PDE4D: variants seen among roughly 807,000 people sequenced by gnomAD.
The protein encoded by PDE4D is phosphodiesterase 4D.
Under a neutral mutation model 87.4 loss-of-function variants are expected in PDE4D, and 24 were observed. The observed-to-expected ratio is 0.27, with a 90% CI of 0.20 to 0.39. The LOEUF (loss-of-function observed/expected upper bound fraction) is 0.39, where lower values mean the gene tolerates loss of function less well. PDE4D is among the 10% of genes least tolerant of loss of function. The pLI, the probability that PDE4D is intolerant of heterozygous loss-of-function variation, is 1.00. For missense variants in PDE4D, 714 were observed against 1,041.0 expected (o/e 0.69, Z 4.32); for synonymous variants, 384 against 383.2 (o/e 1.00, Z -0.02).
At chr5:60,060,709 T>C (rs1771300954) in intron 2 of PDE4D, among the ~76,000 whole-genome samples, 1 of 152,046 alleles carries the variant, frequency 6.6e-6, no homozygotes, top group South Asian at 2.1e-4. Flanking sequence ...TGTTTTTTGT[T>C]TTTTCATTTT....
At chr5:60,097,288 T>TGTGTGTGTGTGTGTG (rs1562088754) in intron 2 of PDE4D, among the ~76,000 whole-genome samples, 2 of 151,560 alleles carry the variant, frequency 1.3e-5, no homozygotes, top group African/African-American at 4.8e-5. Context: ...TGTGTGTGTG[T>TGTGTGTGTGTGTGTG]TTAACAAATA....
chr5:59,355,371 C>T (rs1332626648), intron 1 of PDE4D, among the ~76,000 whole-genome samples: 1 of 152,132 alleles, frequency 6.6e-6, no homozygotes, highest in Non-Finnish European at 1.5e-5. Flanking sequence ...TTACTTTATT[C>T]AGCAGCTGGA....
At chr5:59,758,997 G>A (rs2150766262) in intron 1 of PDE4D, among the ~76,000 whole-genome samples, 1 of 152,204 alleles carries the variant, frequency 6.6e-6, no homozygotes, top group Non-Finnish European at 1.5e-5. Flanking sequence ...CTGGAAATAT[G>A]TGATTTCAAT....
intron 3 of PDE4D, among the ~76,000 whole-genome samples, chr5:59,979,436 G>A (rs1023785342): frequency 6.6e-6 from 1 of 151,750 alleles, no homozygotes; most frequent in African/African-American, 2.4e-5. Flanking sequence ...GTGTGTGTGT[G>A]TGTGTGTTTA....
intron 1 of PDE4D, among the ~76,000 whole-genome samples, chr5:59,380,944 C>T (rs1562068937): frequency 6.6e-6 from 1 of 152,116 alleles, no homozygotes; most frequent in Non-Finnish European, 1.5e-5. Context: ...CTACAGATAA[C>T]TGCATTTGCT....
chr5:59,944,310 G>T (rs777847584), intron 3 of PDE4D, among the ~76,000 whole-genome samples: 1 of 151,378 alleles, frequency 6.6e-6, no homozygotes, highest in African/African-American at 2.4e-5. Context: ...TTTTGCATTA[G>T]GATTGTATCT....
chr5:60,477,789 A>G (rs2150209228), intron 1 of PDE4D, among the ~76,000 whole-genome samples: 1 of 152,316 alleles, frequency 6.6e-6, no homozygotes, highest in Middle Eastern at 3.4e-3. Flanking sequence ...CCACTGTGAA[A>G]ACATCCCTGA....
intron 5 of PDE4D, among the ~76,000 whole-genome samples, chr5:59,070,675 CTT>C (rs1764637792): frequency 1.3e-5 from 2 of 151,670 alleles, no homozygotes; most frequent in Admixed American, 1.3e-4. Flanking sequence ...ACCTTTTTTT[CTT>C]TGTTTTCCTT....
intron 2 of PDE4D, among the ~76,000 whole-genome samples, chr5:60,091,601 A>C (rs1017783907): frequency 7.2e-5 from 11 of 152,300 alleles, no homozygotes; most frequent in Admixed American, 2.6e-4. Flanking sequence ...TTAAAAATAG[A>C]TCTACAGATG....
intron 1 of PDE4D, among the ~76,000 whole-genome samples, chr5:60,408,606 C>T (rs891216004): frequency 1.3e-5 from 2 of 152,134 alleles, no homozygotes; most frequent in African/African-American, 4.8e-5. Flanking sequence ...TTCCCTCACC[C>T]ACTCCCCACT....
At position 59,819,288 on chromosome 5, in the gene PDE4D, G is replaced by A. The variant is rs190257147; in HGVS notation, c.455+73880C>T. Among the ~76,000 whole-genome samples, 152 of 152,250 alleles carry A rather than the reference G, an allele frequency of 1.0e-3. 1 individual carries two copies. The highest frequency in any genetic ancestry group is 3.5e-3 in the African/African-American group (146 of 41,552). Reference sequence around the variant, plus strand: ...TTTTGAGTATTCTCGCCTTCTCAACGCCTGGTAAAACTGAGTTCATAAATG... The same window carrying A: ...TTTTGAGTATTCTCGCCTTCTCAACACCTGGTAAAACTGAGTTCATAAATG... On this transcript the variant is annotated intron_variant, in intron 1 of 14. Coordinates refer to ENST00000340635, the MANE Select transcript of PDE4D (RefSeq NM_001104631.2).
chr5:60,010,001 A>G (rs1349738122), intron 2 of PDE4D, among the ~76,000 whole-genome samples: 2 of 152,076 alleles, frequency 1.3e-5, no homozygotes, highest in African/African-American at 2.4e-5. Flanking sequence ...TTTAAACAAA[A>G]GTCTATAGAA....
intron 1 of PDE4D, among the ~76,000 whole-genome samples, chr5:59,791,880 T>C (rs1765831794): frequency 6.6e-6 from 1 of 152,208 alleles, no homozygotes; most frequent in Admixed American, 6.5e-5. Flanking sequence ...TCACAGATTA[T>C]ATCCAGCTCC....
At chr5:60,297,654 A>G (rs1022852531) in intron 1 of PDE4D, among the ~76,000 whole-genome samples, 1 of 152,202 alleles carries the variant, frequency 6.6e-6, no homozygotes, top group African/African-American at 2.4e-5. Flanking sequence ...AATTACTGAA[A>G]TACACTTTAT....
rs1742373821 is a variant in PDE4D, at chr5:58,970,203, C to T, written c.*4461G>A. 6.6e-6 allele frequency: 1 copy of T among 152,070 alleles called. No homozygotes were observed. Among genetic ancestry groups the T allele is most frequent in the Non-Finnish European group, 1.5e-5 (1 of 68,016 alleles). The allele number at this position is 152,070 out of a possible 1,614,324, so 9.4% of individuals were successfully genotyped here. ...ACTAAAAGAATAATCATTTGTAATT[C>T]TCACACACAATTTACCACTCTGAAA... is the stretch of plus-strand genomic sequence containing the variant. On this transcript the variant is annotated 3_prime_UTR_variant, in exon 15 of 15. Coordinates refer to ENST00000340635, the MANE Select transcript of PDE4D (RefSeq NM_001104631.2).
chr5:59,506,877 T>G (rs550169138), intron 1 of PDE4D, among the ~76,000 whole-genome samples: 6 of 152,180 alleles, frequency 3.9e-5, no homozygotes, highest in Non-Finnish European at 5.9e-5. Flanking sequence ...GAAAACTGTC[T>G]GTCAGTCTTC....
At position 59,909,760 on chromosome 5, in the gene PDE4D, G is replaced by A. The variant is rs1193314926; in HGVS notation, c.272+78728C>T. Among the ~76,000 whole-genome samples the A allele has an allele frequency of 2.0e-5, 3 of 152,060 alleles. 1 individual carries two copies. Among genetic ancestry groups the A allele is most frequent in the Admixed American group, 1.3e-4 (2 of 15,266 alleles). The stretch of plus-strand genomic sequence containing the variant: ...TCGTTCTCCCTATTTTCAAGAAATT[G>A]TGCATATTTCTATCTGGTTAGTCAT... On this transcript the variant is annotated intron_variant, in intron 3 of 16. Coordinates refer to the PDE4D transcript ENST00000502484.
chr5:59,602,214 T>G (rs962300615), intron 1 of PDE4D, among the ~76,000 whole-genome samples: 2 of 152,030 alleles, frequency 1.3e-5, no homozygotes, highest in Admixed American at 1.3e-4. Flanking sequence ...TTGACAAAAT[T>G]GAACATCCTT....
rs566813318 is a variant in PDE4D, at chr5:59,105,519, C to A, written c.809-66548G>T. ...TTTGATAATCAGATCAGTTAGTTAA[C>A]CCACTCCCCTTACCCCTTACAAATC... On this transcript the variant is annotated intron_variant, in intron 5 of 14. Transcript: ENST00000340635. Among the ~76,000 whole-genome samples the A allele has an allele frequency of 7.9e-5, 12 of 152,212 alleles. No homozygotes were observed. In the South Asian group the frequency reaches 2.1e-3, roughly 26 times the overall value.
Sources: gnomAD v4.1 joint callset for allele counts (sites outside exome capture counted in the v4.1 genomes callset) on GRCh38, gnomAD v4.1.1 for gene constraint, MANE v1.5 for transcripts, NCBI Gene and HGNC (gene_info 2026-07-23, HGNC 2026-07-21) for gene names.